The following DAB1 variants were observed in gnomAD, a reference collection of about 807,000 sequenced individuals.
The protein encoded by DAB1 is DAB adaptor protein 1, also known as disabled homolog 1.
A neutral mutation model predicts 64.6 loss-of-function variants in DAB1; 15 were observed. The ratio of observed to expected loss-of-function variants is 0.23; its 90% CI spans 0.16 to 0.36. DAB1 has a LOEUF of 0.36. Among genes scored for constraint, DAB1 ranks in the 10% least tolerant of loss-of-function variants. The pLI, the probability that DAB1 is intolerant of heterozygous loss-of-function variation, is 1.00. For missense variants in DAB1, 596 were observed against 706.7 expected (o/e 0.84, Z 1.78); for synonymous variants, 235 against 251.9 (o/e 0.93, Z 0.64).
intron 1 of DAB1, chr1:58,542,339 T>G (rs945360892): frequency 1.1e-4 from 17 of 152,254 alleles, no homozygotes; most frequent in African/African-American, 4.1e-4. Context: ...TAGTAAGGTT[T>G]TCATTGGCTA....
chr1:58,075,099 A>G (rs901939916), intron 5 of DAB1, among the ~76,000 whole-genome samples: 2 of 152,132 alleles, frequency 1.3e-5, no homozygotes, highest in Non-Finnish European at 2.9e-5. Flanking sequence ...CCTTCTCTGG[A>G]TTCTAAAAGC....
At chr1:58,001,465 G>A (rs1646506181) in intron 5 of DAB1, among the ~76,000 whole-genome samples, 1 of 152,068 alleles carries the variant, frequency 6.6e-6, no homozygotes, top group African/African-American at 2.4e-5. Flanking sequence ...TCACCATGTT[G>A]GCCAGGCTGG....
intron 7 of DAB1, among the ~76,000 whole-genome samples, chr1:57,470,645 A>T (rs919581964): frequency 6.6e-6 from 1 of 152,182 alleles, no homozygotes; most frequent in Non-Finnish European, 1.5e-5. Context: ...AGGTGGCCTA[A>T]TTCAGAAAAG....
intron 7 of DAB1, among the ~76,000 whole-genome samples, chr1:57,431,416 G>A (rs151020353): frequency 5.9e-4 from 90 of 152,258 alleles, no homozygotes; most frequent in African/African-American, 1.9e-3. Context: ...TTGGACATAA[G>A]TAAAATGTCC....
intron 2 of DAB1, among the ~76,000 whole-genome samples, chr1:57,168,783 C>T (rs899529686): frequency 1.3e-5 from 2 of 152,118 alleles, no homozygotes; most frequent in Non-Finnish European, 2.9e-5. Flanking sequence ...CAGCTGGGTG[C>T]AGTGATTCAC....
intron 1 of DAB1, among the ~76,000 whole-genome samples, chr1:57,360,794 G>A (rs1679485264): frequency 6.6e-6 from 1 of 152,086 alleles, no homozygotes; most frequent in South Asian, 2.1e-4. Flanking sequence ...CCTTTGTTCT[G>A]GAATGATTGA....
At chr1:57,771,016 G>A (rs1181417543) in intron 6 of DAB1, among the ~76,000 whole-genome samples, 1 of 152,124 alleles carries the variant, frequency 6.6e-6, no homozygotes, top group East Asian at 1.9e-4. Context: ...TTGTACAGAT[G>A]GCAAACCCTA....
chr1:58,220,659 A>G (rs1659111927), intron 4 of DAB1, among the ~76,000 whole-genome samples: 1 of 152,122 alleles, frequency 6.6e-6, no homozygotes. Context: ...CTTTCCAGCT[A>G]TGCAATTTGG....
intron 7 of DAB1, among the ~76,000 whole-genome samples, chr1:57,526,305 T>C (rs1483423339): frequency 6.6e-6 from 1 of 152,198 alleles, no homozygotes; most frequent in African/African-American, 2.4e-5. Flanking sequence ...GGACTATTTA[T>C]ATCTAAAGAA....
chr1:57,076,078 C>G (rs1175063341), intron 4 of DAB1, among the ~76,000 whole-genome samples: 1 of 152,166 alleles, frequency 6.6e-6, no homozygotes, highest in African/African-American at 2.4e-5. Flanking sequence ...GAAGTTTACT[C>G]TCAGGAATTG....
At chr1:57,675,062 G>A (rs1646550215) in intron 6 of DAB1, among the ~76,000 whole-genome samples, 1 of 152,180 alleles carries the variant, frequency 6.6e-6, no homozygotes, top group Non-Finnish European at 1.5e-5. Flanking sequence ...CATATATTGA[G>A]ATAGTGGCAT....
intron 4 of DAB1, among the ~76,000 whole-genome samples, chr1:57,091,301 A>T (rs1653658472): frequency 6.6e-6 from 1 of 152,156 alleles, no homozygotes; most frequent in African/African-American, 2.4e-5. Context: ...TTAAAAAAAA[A>T]TACTTCCCAT....
chr1:57,212,359 CTTTTTTT>C (rs57653531), intron 2 of DAB1, among the ~76,000 whole-genome samples: 31 of 82,180 alleles, frequency 3.8e-4, no homozygotes, highest in African/African-American at 1.2e-3. Context: ...ATATTATTTC[CTTTTTTT>C]TTTTTTTTTT....
At chr1:57,043,718 A>C (rs1005265409) in intron 9 of DAB1, among the ~76,000 whole-genome samples, 7 of 152,074 alleles carry the variant, frequency 4.6e-5, no homozygotes, top group Non-Finnish European at 7.4e-5. Context: ...GTGGCAGTGC[A>C]TGCCTGTAGT....
chr1:57,997,580 C>G (rs1646444651), intron 5 of DAB1, among the ~76,000 whole-genome samples: 1 of 152,072 alleles, frequency 6.6e-6, no homozygotes, highest in Non-Finnish European at 1.5e-5. Context: ...ACAGATTTGC[C>G]ACCACTAACA....
intron 5 of DAB1, among the ~76,000 whole-genome samples, chr1:58,082,640 C>T (rs917484014): frequency 5.9e-5 from 9 of 151,988 alleles, no homozygotes; most frequent in Non-Finnish European, 1.3e-4. Context: ...CCTGACATGA[C>T]CCTTGGAGGA....
At chr1:57,751,824 A>G (rs1201125798) in intron 6 of DAB1, among the ~76,000 whole-genome samples, 1 of 146,572 alleles carries the variant, frequency 6.8e-6, no homozygotes, top group Non-Finnish European at 1.5e-5. Flanking sequence ...CTCCATTTCT[A>G]TTCTTTACTT....
intron 7 of DAB1, among the ~76,000 whole-genome samples, chr1:57,619,860 C>G (rs1299331035): frequency 6.6e-6 from 1 of 152,060 alleles, no homozygotes; most frequent in Admixed American, 6.5e-5. Context: ...GAGGGGTCAA[C>G]TGGATCCAGA....
intron 3 of DAB1, among the ~76,000 whole-genome samples, chr1:58,471,450 T>C (rs896420396): frequency 1.3e-5 from 2 of 152,286 alleles, no homozygotes; most frequent in Non-Finnish European, 2.9e-5. Flanking sequence ...ATAATTGACT[T>C]AGACATTCAT....
Sources: allele counts gnomAD v4.1 joint callset (sites outside exome capture counted in the v4.1 genomes callset), GRCh38; gene constraint gnomAD v4.1.1; transcripts MANE v1.5; gene names NCBI Gene and HGNC (gene_info 2026-07-23, HGNC 2026-07-21).